TMEM108: variants seen among roughly 807,000 people sequenced by gnomAD.
The protein encoded by TMEM108 is cancer/testis antigen 124.
A neutral mutation model predicts 35.1 loss-of-function variants in TMEM108; 12 were observed. The observed-to-expected ratio is 0.34, with a 90% CI of 0.22 to 0.55. The LOEUF (loss-of-function observed/expected upper bound fraction) is 0.55. TMEM108 is among the 20% of genes least tolerant of loss of function. TMEM108 has a pLI of 0.89. For synonymous variants in TMEM108, 287 were observed against 308.6 expected, an observed-to-expected ratio of 0.93 and a Z score of 0.73; for missense variants, 680 against 753.3, an observed-to-expected ratio of 0.90 and a Z score of 1.14.
chr3:133,159,106 T>G (rs983857850), intron 2 of TMEM108, among the ~76,000 whole-genome samples: 15 of 152,332 alleles, frequency 9.8e-5, no homozygotes, highest in African/African-American at 3.4e-4. Flanking sequence ...TCTCCCCACA[T>G]CTTCACTCAT....
At chr3:133,354,365 G>A (rs2072097644) in intron 3 of TMEM108, among the ~76,000 whole-genome samples, 1 of 152,088 alleles carries the variant, frequency 6.6e-6, no homozygotes, top group Admixed American at 6.5e-5. Context: ...CAAGAGACCT[G>A]GCCAGGCATC....
intron 3 of TMEM108, among the ~76,000 whole-genome samples, chr3:133,338,113 T>C (rs1472415986): frequency 1.3e-5 from 2 of 151,964 alleles, no homozygotes; most frequent in Non-Finnish European, 2.9e-5. Flanking sequence ...AAAGAGGAGA[T>C]GGAGAAAGAG....
chr3:133,052,648 A>G (rs1030427327), intron 2 of TMEM108, among the ~76,000 whole-genome samples: 1 of 149,906 alleles, frequency 6.7e-6, no homozygotes, highest in Non-Finnish European at 1.5e-5. Context: ...GATGTTAGCT[A>G]TAGATTTTTA....
chr3:133,345,322 G>C (rs2071783664), intron 3 of TMEM108, among the ~76,000 whole-genome samples: 1 of 151,778 alleles, frequency 6.6e-6, no homozygotes, highest in African/African-American at 2.4e-5. Flanking sequence ...AGAGCTAGAT[G>C]ACCATGTCAA....
chr3:133,227,189 C>CTTTTTT (rs35518753), intron 2 of TMEM108, among the ~76,000 whole-genome samples: 149 of 83,458 alleles, frequency 1.8e-3, no homozygotes, highest in Non-Finnish European at 2.6e-3. Flanking sequence ...GAAGGCCTTT[C>CTTTTTT]TTTTTTTTTT....
Position 133,267,666 on chromosome 3 carries a change from G to T in TMEM108, c.40+38315G>T, listed in dbSNP as rs1324354514. Among the ~76,000 whole-genome samples the T allele has an allele frequency of 2.0e-5, 3 of 150,718 alleles. No homozygotes were observed. In the East Asian group the frequency reaches 6.0e-4, roughly 30 times the overall value. ...ATGAAATGTCTCTCATATGATTATGGTTGTGGTCAAGGGGTCAGCAGGAGC... is the reference window on the plus strand; with the variant it reads ...ATGAAATGTCTCTCATATGATTATGTTTGTGGTCAAGGGGTCAGCAGGAGC... On this transcript the variant is annotated intron_variant, in intron 3 of 5. Coordinates refer to ENST00000321871, the MANE Select transcript of TMEM108 (RefSeq NM_023943.4).
chr3:133,048,945 C>A (rs916202045), intron 2 of TMEM108, among the ~76,000 whole-genome samples: 1 of 152,152 alleles, frequency 6.6e-6, no homozygotes, highest in African/African-American at 2.4e-5. Flanking sequence ...GCATGAGAAT[C>A]ATTTATACTT....
chr3:133,321,134 A>G (rs12152547), intron 3 of TMEM108, among the ~76,000 whole-genome samples: 51,920 of 152,056 alleles, frequency 0.34, 9,200 homozygotes, highest in East Asian at 0.48. Flanking sequence ...TCAGACAACA[A>G]CTAGTACAAT....
intron 2 of TMEM108, among the ~76,000 whole-genome samples, chr3:133,210,176 GC>G (rs1202397529): frequency 6.6e-6 from 1 of 152,184 alleles, no homozygotes; most frequent in African/African-American, 2.4e-5. Flanking sequence ...AGTGGGCCTG[GC>G]CTCACTGTGG....
chr3:133,093,686 G>A (rs745655970), intron 2 of TMEM108, among the ~76,000 whole-genome samples: 1 of 152,172 alleles, frequency 6.6e-6, no homozygotes, highest in Non-Finnish European at 1.5e-5. Flanking sequence ...TGACTTACTG[G>A]GTGGAAGAAA....
intron 4 of TMEM108, among the ~76,000 whole-genome samples, chr3:133,385,426 C>T (rs2073122874): frequency 6.6e-6 from 1 of 152,184 alleles, no homozygotes; most frequent in Non-Finnish European, 1.5e-5. Context: ...CCGTGGGCTT[C>T]TACAGGCACA....
intron 3 of TMEM108, among the ~76,000 whole-genome samples, chr3:133,289,604 A>G (rs1463938061): frequency 6.6e-6 from 1 of 152,206 alleles, no homozygotes; most frequent in African/African-American, 2.4e-5. Context: ...TGGAACAGGA[A>G]CTGTGGGTAA....
chr3:133,353,215 G>C (rs2072059467), intron 3 of TMEM108, among the ~76,000 whole-genome samples: 1 of 152,184 alleles, frequency 6.6e-6, no homozygotes, highest in Non-Finnish European at 1.5e-5. Flanking sequence ...ATACTGGAAA[G>C]CTAGAGACAA....
rs146366534 is a variant in TMEM108 at position 133,114,500 on chromosome 3, G to A, written c.-47+68480G>A. Among the ~76,000 whole-genome samples, 323 of 152,200 alleles carry A rather than the reference G, an allele frequency of 2.1e-3. 1 individual carries two copies. Among genetic ancestry groups the A allele is most frequent in the African/African-American group, 7.3e-3 (305 of 41,534 alleles). Reference sequence around the variant, plus strand: ...TTTTAGTACCATAGTATTGATTTTTGTAATTCGGTGAGTTTTGACCACTTA... The same window carrying A: ...TTTTAGTACCATAGTATTGATTTTTATAATTCGGTGAGTTTTGACCACTTA... On this transcript the variant is annotated intron_variant, in intron 2 of 5. Coordinates refer to ENST00000321871, the MANE Select transcript of TMEM108 (RefSeq NM_023943.4).
In TMEM108 at chr3:133,390,203, A is replaced by T. The variant is rs762291315; in HGVS notation, c.1474A>T (p.Met492Leu). 1.2e-6 allele frequency: 2 copies of T among 1,614,148 alleles called. No individual in the cohort carries two copies. The highest frequency in any genetic ancestry group is 2.2e-5 in the South Asian group (2 of 91,070). The change falls in exon 5 of 6, where the codon ATG (methionine) becomes TTG (leucine). Residue 492 changes from methionine to leucine, a missense_variant. This residue lies in a region of TMEM108 where 105 missense variants were observed against 150.7 expected (regional missense o/e 0.70). Coordinates refer to ENST00000321871, the MANE Select transcript of TMEM108 (RefSeq NM_023943.4). ...AGCTGTCCTGCTGACGGTGTGCTGC[A>T]TGAAGAGGAAGAAGAAGACCGCCAA... ...SCSVLLTVCC[M>L]KRKKKTANPE...
chr3:133,235,086 C>T (rs1359301756), intron 3 of TMEM108, among the ~76,000 whole-genome samples: 12 of 152,088 alleles, frequency 7.9e-5, no homozygotes. Flanking sequence ...CAAACCACTG[C>T]TCAATGAAAT....
chr3:133,228,193 A>G, intron 2 of TMEM108, among the ~76,000 whole-genome samples: 1 of 151,886 alleles, frequency 6.6e-6, no homozygotes, highest in East Asian at 1.9e-4. Context: ...TCTCAGTAAA[A>G]AAAAAAAAAT....
intron 2 of TMEM108, among the ~76,000 whole-genome samples, chr3:133,137,026 A>AGTT (rs1423317793): frequency 1.3e-5 from 2 of 152,266 alleles, no homozygotes; most frequent in South Asian, 2.1e-4. Context: ...GAGTTTTTGT[A>AGTT]GTTGTTGTTG....
intron 2 of TMEM108, among the ~76,000 whole-genome samples, chr3:133,072,174 T>G (rs1366342827): frequency 1.3e-5 from 2 of 152,162 alleles, no homozygotes; most frequent in African/African-American, 4.8e-5. Context: ...ACCAGATCAT[T>G]AGGAGAATCC....
Sources: gnomAD v4.1 joint callset for allele counts (sites outside exome capture counted in the v4.1 genomes callset) on GRCh38, gnomAD v4.1.1 for gene constraint, gnomAD v4.1.1 regional missense constraint, MANE v1.5 for transcripts, NCBI Gene and HGNC (gene_info 2026-07-23, HGNC 2026-07-21) for gene names.